Variants in RNF8 observed in about 807,000 individuals in gnomAD.
RNF8 encodes ring finger protein 8, also known as E3 ubiquitin-protein ligase RNF8.
Under a neutral mutation model 59.3 loss-of-function variants are expected in RNF8, and 8 were observed. The ratio of observed to expected loss-of-function variants is 0.13; its 90% CI spans 0.08 to 0.24. The LOEUF (loss-of-function observed/expected upper bound fraction) is 0.24, where lower values mean the gene tolerates loss of function less well. RNF8 is among the 10% of genes least tolerant of loss of function. The pLI is 1.00. For synonymous variants in RNF8, 162 were observed against 200.0 expected (o/e 0.81, Z 1.60); for missense variants, 406 against 572.6 (o/e 0.71, Z 2.97).
intron 3 of RNF8, among the ~76,000 whole-genome samples, chr6:37,371,115 G>A (rs1769782091): frequency 6.6e-6 from 1 of 152,114 alleles, no homozygotes; most frequent in Non-Finnish European, 1.5e-5. Flanking sequence ...CCAGAGTAGA[G>A]GGAAAAGAAG....
At position 37,392,359 on chromosome 6, in the gene RNF8, C is replaced by T. The variant is rs1490885472; in HGVS notation, c.*1601C>T. The T allele has an allele frequency of 2.5e-6, 1 of 398,004 alleles. No individual in the cohort carries two copies. The highest frequency in any genetic ancestry group is 4.4e-6 in the Non-Finnish European group (1 of 226,002). The allele number at this position is 398,004 out of a possible 1,614,324, so 24.7% of individuals were successfully genotyped here. ...TCATTTTTAAGAGAGTACAGACATA[C>T]ACTTTTTGAGTAGGCAATATGTTCA... On this transcript the variant is annotated 3_prime_UTR_variant, in exon 8 of 8. Transcript: ENST00000373479.
Position 37,368,512 on chromosome 6 carries a change from C to A in RNF8, c.269C>A (p.Ala90Glu). The change falls in exon 3 of 8, where the codon GCG becomes GAG. Residue 90 changes from alanine (A) to glutamate (E), a missense_variant. Transcript: ENST00000373479. ...CTAAATGGTGTTTGGCTGAACAGAG[C>A]GCGTCTGGAACCTTTAAGGGTCTAT... ...KSLNGVWLNR[A>E]RLEPLRVYSI... is the part of the protein sequence containing the mutation. 1 of 1,614,076 alleles carries A rather than the reference C, an allele frequency of 6.2e-7. No homozygotes were observed. Among genetic ancestry groups the A allele is most frequent in the South Asian group, 1.1e-5 (1 of 91,078 alleles).
In RNF8 at chr6:37,391,889, T is replaced by G. The variant is rs1770735639; in HGVS notation, c.*1131T>G. On this transcript the variant is annotated 3_prime_UTR_variant, in exon 8 of 8. Coordinates refer to ENST00000373479, the MANE Select transcript of RNF8 (RefSeq NM_003958.4). ...CTGGTCTCAAATTCCTGACCTTAAGTGATCCACCTGCCTAGGCCTCTAAAA... is the reference window on the plus strand; with the variant it reads ...CTGGTCTCAAATTCCTGACCTTAAGGGATCCACCTGCCTAGGCCTCTAAAA... The G allele has an allele frequency of 6.6e-6, 1 of 152,326 alleles. No individual in the cohort carries two copies. The highest frequency in any genetic ancestry group is 2.4e-5 in the African/African-American group (1 of 41,468). The allele number at this position is 152,326 out of a possible 1,614,324, so 9.4% of individuals were successfully genotyped here.
In RNF8 at chr6:37,360,429, T is replaced by C. The variant is rs369351851; in HGVS notation, c.112-17T>C. 4 of 1,595,018 alleles carry C rather than the reference T, an allele frequency of 2.5e-6. No individual in the cohort carries two copies. The highest frequency in any genetic ancestry group is 1.7e-6 in the Non-Finnish European group (2 of 1,179,466). ...ACAATGACTGATGGTATTTCTTGCATTGTTGTTGTCTCCCAGGTGACTGTA... is the reference window on the plus strand; with the variant it reads ...ACAATGACTGATGGTATTTCTTGCACTGTTGTTGTCTCCCAGGTGACTGTA... On this transcript the variant is annotated splice_polypyrimidine_tract_variant and intron_variant, in intron 1 of 7. Coordinates refer to ENST00000373479, the MANE Select transcript of RNF8 (RefSeq NM_003958.4). The surrounding 1 kb of genome is among the most constrained non-coding windows in gnomAD (Gnocchi z 4.2).
At chr6:37,356,404 C>T (rs1377692553) in intron 1 of RNF8, among the ~76,000 whole-genome samples, 1 of 152,184 alleles carries the variant, frequency 6.6e-6, no homozygotes, top group East Asian at 1.9e-4. Flanking sequence ...AACATAACAG[C>T]AAAGGTAGGT....
chr6:37,369,740 G>A lies in RNF8; in HGVS notation c.975+522G>A, dbSNP rs80018618. 1,360 of 153,290 alleles carry A rather than the reference G, an allele frequency of 8.9e-3. 5 individuals carry two copies. The highest frequency in any genetic ancestry group is 0.037 in the Middle Eastern group (11 of 294). 9.5% of individuals were successfully genotyped at this position (153,290 alleles called of 1,614,324 possible). A position where few individuals can be genotyped will look rare whatever the true frequency, so the allele number is the denominator to read the frequency against. On this transcript the variant is annotated intron_variant, in intron 3 of 7. Coordinates refer to ENST00000373479, the MANE Select transcript of RNF8 (RefSeq NM_003958.4). ...TTAGTTAACTCTGTAGCTAAGCCAG[G>A]AGGTGAGGGGCTAAAAAGGCAGAAA...
rs551696733 is a variant in RNF8 at position 37,358,933 on chromosome 6, C to T, written c.112-1513C>T. 5.3e-5 allele frequency among the ~76,000 whole-genome samples: 8 copies of T among 152,092 alleles called. No individual in the cohort carries two copies. In the South Asian group the frequency reaches 1.7e-3, roughly 32 times the overall value. On this transcript the variant is annotated intron_variant, in intron 1 of 7. Transcript: ENST00000373479. ...CCAACATGGTGAAACCCCGTCTCTA[C>T]TAAAAATACAAAAATTAGTTGGGTG...
chr6:37,375,249 C>G (rs1382287575), intron 5 of RNF8, among the ~76,000 whole-genome samples: 1 of 152,224 alleles, frequency 6.6e-6, no homozygotes, highest in Admixed American at 6.5e-5. Context: ...CCCACACCCC[C>G]ATCCCAGGAG....
At chr6:37,378,303 GAGAA>G (rs1168744595) in intron 6 of RNF8, among the ~76,000 whole-genome samples, 7 of 151,702 alleles carry the variant, frequency 4.6e-5, no homozygotes, top group Middle Eastern at 3.4e-3. Flanking sequence ...AAAAGAAAAA[GAGAA>G]AGAAAAATGT....
At chr6:37,374,294 T>A (rs935073953) in intron 4 of RNF8, among the ~76,000 whole-genome samples, 1 of 152,134 alleles carries the variant, frequency 6.6e-6, no homozygotes, top group Non-Finnish European at 1.5e-5. Flanking sequence ...AAAAGCACAT[T>A]TCTGGGCTCC....
intron 6 of RNF8, among the ~76,000 whole-genome samples, chr6:37,380,649 G>C (rs560782815): frequency 1.7e-4 from 26 of 150,154 alleles, no homozygotes; most frequent in African/African-American, 4.4e-4. Context: ...CCAGCCTGGG[G>C]GACAGAGTGA....
At position 37,354,148 on chromosome 6, in the gene RNF8, C is replaced by T; in HGVS notation, c.-17C>T. The T allele has an allele frequency of 6.4e-7, 1 of 1,562,424 alleles. No individual in the cohort carries two copies. The highest frequency in any genetic ancestry group is 1.4e-5 in the African/African-American group (1 of 73,736). On this transcript the variant is annotated 5_prime_UTR_variant, in exon 1 of 8. Coordinates refer to ENST00000373479, the MANE Select transcript of RNF8 (RefSeq NM_003958.4). ...GGGTCTCGCTCGGTGCTGACCGCCC[C>T]CGGGGTCGAGTAGGCGATGGGGGAG...
chr6:37,385,618 C>T (rs907103371), intron 7 of RNF8, among the ~76,000 whole-genome samples: 8 of 151,600 alleles, frequency 5.3e-5, no homozygotes, highest in African/African-American at 1.5e-4. Context: ...AGTGAGACTT[C>T]GTCTCAAAAA....
intron 2 of RNF8, among the ~76,000 whole-genome samples, chr6:37,365,888 A>G (rs1769530835): frequency 6.6e-6 from 1 of 152,202 alleles, no homozygotes; most frequent in Non-Finnish European, 1.5e-5. Context: ...GTCCTTTTCT[A>G]GTCTCCTTAT....
In RNF8 at chr6:37,359,101, C is replaced by CA. The variant is rs202006828; in HGVS notation, c.112-1336dup. On this transcript the variant is annotated intron_variant, in intron 1 of 7. Coordinates refer to ENST00000373479, the MANE Select transcript of RNF8 (RefSeq NM_003958.4). ...ATAAAGCAAGACTCTCTCAAAAAAA[C>CA]AAAAAAAAATTAACAAACAAAAAAG... 1.2e-3 allele frequency: 488 copies of CA among 399,202 alleles called. 1 individual carries two copies. Among genetic ancestry groups the CA allele is most frequent in the Middle Eastern group, 6.5e-3 (18 of 2,764 alleles). The allele number at this position is 399,202 out of a possible 1,614,324, so 24.7% of individuals were successfully genotyped here. A position where few individuals can be genotyped will look rare whatever the true frequency, so the allele number is the denominator to read the frequency against.
chr6:37,390,688 C>T (rs1318230650), intron 7 of RNF8, 54 bp from the exon 8 acceptor site: 18 of 1,387,730 alleles, frequency 1.3e-5, no homozygotes, highest in Admixed American at 3.4e-5. Flanking sequence ...AGGGAGTCCA[C>T]GGAAGGGAAA....
intron 1 of RNF8, among the ~76,000 whole-genome samples, chr6:37,358,895 G>A (rs1285549324): frequency 6.6e-6 from 1 of 151,996 alleles, no homozygotes; most frequent in Admixed American, 6.6e-5. Flanking sequence ...TCAGGAGTTC[G>A]AGACCAGCCT....
chr6:37,374,523 A>G lies in RNF8; in HGVS notation c.1039-97A>G, dbSNP rs969168039. On this transcript the variant is annotated intron_variant, in intron 4 of 7. Transcript: ENST00000373479. ...CCAATTTATCGATCCCTGAACCACA[A>G]AGTCACTAACTAGAGGGAGAGAACA... 1.1e-5 allele frequency: 9 copies of G among 856,112 alleles called. No individual in the cohort carries two copies. The African/African-American group carries it at 1.5e-4, about 15-fold the overall frequency. The allele number at this position is 856,112 out of a possible 1,614,324, so 53.0% of individuals were successfully genotyped here.
intron 4 of RNF8, 27 bp from the exon 5 acceptor site, chr6:37,374,593 G>C (rs756300873): frequency 6.4e-7 from 1 of 1,563,156 alleles, no homozygotes; most frequent in Non-Finnish European, 8.8e-7. Flanking sequence ...AGTTCATCCT[G>C]AGTATGTATC....
Sources: gnomAD v4.1 joint callset for allele counts (sites outside exome capture counted in the v4.1 genomes callset) on GRCh38, gnomAD v4.1.1 for gene constraint, Gnocchi (gnomAD v3.1) non-coding constraint, MANE v1.5 for transcripts, NCBI Gene and HGNC (gene_info 2026-07-23, HGNC 2026-07-21) for gene names.